Variants in DNAH10 observed in about 807,000 individuals in gnomAD.
DNAH10 encodes dynein axonemal heavy chain 10, also known as axonemal beta dynein heavy chain 10.
A neutral mutation model predicts 506.6 loss-of-function variants in DNAH10; 348 were observed. The observed-to-expected ratio is 0.69, with a 90% CI of 0.63 to 0.75. The LOEUF is 0.75. Among genes scored for constraint, DNAH10 ranks in the 30% least tolerant of loss-of-function variants. The pLI, the probability that DNAH10 is intolerant of heterozygous loss-of-function variation, is 0.00. For missense variants in DNAH10, 5,179 were observed against 5,787.1 expected (o/e 0.89, Z 3.41); for synonymous variants, 2,059 against 2,198.6 (o/e 0.94, Z 1.78).
intron 2 of DNAH10, among the ~76,000 whole-genome samples, chr12:123,770,556 A>G (rs1957215424): frequency 6.8e-6 from 1 of 147,400 alleles, no homozygotes; most frequent in South Asian, 2.1e-4. Flanking sequence ...ACTGCTGTCT[A>G]TAGACTATTC....
intron 11 of DNAH10, among the ~76,000 whole-genome samples, 184 bp from the exon 12 acceptor site, chr12:123,793,758 T>C (rs190711828): frequency 1.8e-3 from 278 of 152,320 alleles, no homozygotes; most frequent in Non-Finnish European, 2.9e-3. Flanking sequence ...TTTGAACTGG[T>C]TGGGGAGAGA....
chr12:123,847,925 C>G lies in DNAH10; in HGVS notation c.5815-36C>G, dbSNP rs774269041. On this transcript the variant is annotated intron_variant, in intron 32 of 78. Transcript: ENST00000673944. ...AATGACACCCACTTCCTTCTGTGCA[C>G]CAGAAAACATATGTTTTGCATTTGG... The G allele has an allele frequency of 4.2e-5, 66 of 1,575,098 alleles. No individual in the cohort carries two copies. In the South Asian group the frequency reaches 6.7e-4, roughly 16 times the overall value.
intron 16 of DNAH10, among the ~76,000 whole-genome samples, 186 bp from the exon 17 acceptor site, chr12:123,803,475 A>G (rs1028167996): frequency 6.6e-6 from 1 of 152,216 alleles, no homozygotes; most frequent in Non-Finnish European, 1.5e-5. Flanking sequence ...TTCTGGGCTC[A>G]GGACTCCTTG....
intron 29 of DNAH10, among the ~76,000 whole-genome samples, chr12:123,839,077 G>C (rs1325939006): frequency 2.0e-5 from 3 of 152,162 alleles, no homozygotes; most frequent in Non-Finnish European, 4.4e-5. Context: ...GCCTCCCAAA[G>C]TGGGATTACA....
intron 6 of DNAH10, among the ~76,000 whole-genome samples, chr12:123,782,739 A>T (rs192944594): frequency 6.6e-6 from 1 of 151,546 alleles, no homozygotes; most frequent in Non-Finnish European, 1.5e-5. Flanking sequence ...CATTATTTCA[A>T]TTTCCCCTGA....
intron 41 of DNAH10, among the ~76,000 whole-genome samples, chr12:123,867,093 G>A (rs1478567996): frequency 6.6e-6 from 1 of 152,202 alleles, no homozygotes; most frequent in Non-Finnish European, 1.5e-5. Context: ...ATCCCTGGTG[G>A]TGATTGGTGC....
In DNAH10 at chr12:123,931,675, G is replaced by C. The variant is rs1400490272; in HGVS notation, c.12956G>C (p.Gly4319Ala). 3 of 1,613,918 alleles carry C rather than the reference G, an allele frequency of 1.9e-6. No homozygotes were observed. Among genetic ancestry groups the C allele is most frequent in the Non-Finnish European group, 2.5e-6 (3 of 1,179,916 alleles). Residue 4319 changes from glycine to alanine, a missense_variant, in exon 75 of 79, where the codon GGC becomes GCC. Gly to Ala is a moderately conservative substitution (Grantham distance 60). Around this residue, in one of 3 missense-constraint regions of DNAH10, gnomAD observed 4,844 missense variants for 5,430.5 expected, o/e 0.89. Transcript: ENST00000673944. The stretch of plus-strand genomic sequence containing the variant: ...GGTATCAGCCGCGATGATTATATTG[G>C]CCAAGTGGCCAAAGAAATAGAAAAC... The part of the protein sequence containing the change: ...SSGISRDDYI[G>A]QVAKEIENKM...
chr12:123,862,161 T>G (rs75168812), intron 39 of DNAH10, among the ~76,000 whole-genome samples: 1 of 152,158 alleles, frequency 6.6e-6, no homozygotes, highest in African/African-American at 2.4e-5. Flanking sequence ...ATGGGTGGTG[T>G]TAATCTTGAT....
rs767038025 is a variant in DNAH10, at chr12:123,800,361, T to A, written c.2435T>A (p.Val812Asp). The A allele has an allele frequency of 6.2e-7, 1 of 1,613,920 alleles. No homozygotes were observed. The highest frequency in any genetic ancestry group is 1.1e-5 in the South Asian group (1 of 91,036). ...GFTVPELARN[V>D]ALQEDKFLRY... ...ACTGTCCCTGAATTAGCAAGAAATGTTGCTCTCCAGGAAGACAAATTCCTT... is the reference window on the plus strand; with the variant it reads ...ACTGTCCCTGAATTAGCAAGAAATGATGCTCTCCAGGAAGACAAATTCCTT... The change falls in exon 15 of 79, where the codon GTT (valine) becomes GAT (aspartate). Residue 812 changes from valine (V) to aspartate (D), a missense_variant. Transcript: ENST00000673944.
At position 123,928,435 on chromosome 12, in the gene DNAH10, A is replaced by G; in HGVS notation, c.12154A>G (p.Met4052Val). Residue 4052 changes from methionine to valine, a missense_variant, in exon 70 of 79, where the codon ATG (methionine) becomes GTG (valine). Transcript: ENST00000673944. This position sits in a 1 kb window ranked among gnomAD's most constrained non-coding sequence, Gnocchi z 4.9. ...ETAVARGQWLMLQNCHLLVKW... is the reference protein window; with the variant it reads ...ETAVARGQWLVLQNCHLLVKW... Reference sequence around the variant, plus strand: ...GGCGGTGGCTCGGGGGCAGTGGCTGATGCTGCAGAACTGCCACCTCCTGGT... The same window carrying G: ...GGCGGTGGCTCGGGGGCAGTGGCTGGTGCTGCAGAACTGCCACCTCCTGGT... The G allele has an allele frequency of 6.2e-7, 1 of 1,607,908 alleles. No individual in the cohort carries two copies. Among genetic ancestry groups the G allele is most frequent in the Non-Finnish European group, 8.5e-7 (1 of 1,177,800 alleles).
intron 51 of DNAH10, among the ~76,000 whole-genome samples, chr12:123,884,502 C>G (rs1482320373): frequency 2.0e-5 from 3 of 152,210 alleles, no homozygotes; most frequent in Non-Finnish European, 4.4e-5. Flanking sequence ...AGAGGGCCCT[C>G]TCCCGGGCTG....
chr12:123,792,707 T>A (rs1395770924), intron 11 of DNAH10, among the ~76,000 whole-genome samples: 1 of 152,188 alleles, frequency 6.6e-6, no homozygotes, highest in Non-Finnish European at 1.5e-5. Flanking sequence ...GTGATCCGCC[T>A]GCCTCAGCCT....
rs1957927202 is a variant in DNAH10 at position 123,787,975 on chromosome 12, C to T, written c.1593C>T (p.Ile531=). The change falls in exon 10 of 79, where the codon ATC becomes ATT. Residue 531 remains isoleucine, a synonymous_variant. Coordinates refer to ENST00000673944, the MANE Select transcript of DNAH10 (RefSeq NM_001372106.1). This position sits in a 1 kb window ranked among gnomAD's most constrained non-coding sequence, Gnocchi z 4.6. ...AGAGGACGGATTATATGGCCACCATCTGCCAGGACCTCTCCGACGTTCTGC... is the reference window on the plus strand; with the variant it reads ...AGAGGACGGATTATATGGCCACCATTTGCCAGGACCTCTCCGACGTTCTGC... ...LFERTDYMAT[I]CQDLSDVLQI... is the part of the protein sequence containing the mutation. 6.3e-7 allele frequency: 1 copy of T among 1,580,216 alleles called. No homozygotes were observed. Among genetic ancestry groups the T allele is most frequent in the Non-Finnish European group, 8.6e-7 (1 of 1,162,820 alleles).
chr12:123,813,641 G>A lies in DNAH10; in HGVS notation c.3621+1G>A, dbSNP rs1438986273. On this transcript the variant is annotated splice_donor_variant, in intron 20 of 78. Coordinates refer to ENST00000673944, the MANE Select transcript of DNAH10 (RefSeq NM_001372106.1). LOFTEE classifies it high-confidence loss of function. Reference sequence around the variant, plus strand: ...CTATAATCTCCATGAAGAGATGGAGGTACTCAATCGCTGTGTGTAATTGAA... The same window carrying A: ...CTATAATCTCCATGAAGAGATGGAGATACTCAATCGCTGTGTGTAATTGAA... 1.9e-6 allele frequency: 3 copies of A among 1,613,602 alleles called. No homozygotes were observed. Among genetic ancestry groups the A allele is most frequent in the African/African-American group, 2.7e-5 (2 of 74,904 alleles).
intron 19 of DNAH10, among the ~76,000 whole-genome samples, chr12:123,810,926 T>G (rs1460540745): frequency 2.0e-5 from 3 of 152,216 alleles, no homozygotes; most frequent in African/African-American, 7.2e-5. Flanking sequence ...ACTTTCCTCC[T>G]TACTAATAGA....
At chr12:123,860,936 T>C in intron 38 of DNAH10, 76 bp from the exon 39 acceptor site, 2 of 1,600,222 alleles carry the variant, frequency 1.2e-6, no homozygotes, top group Non-Finnish European at 1.7e-6. Flanking sequence ...ATCTAATTCC[T>C]CATAGAGGGA....
intron 19 of DNAH10, among the ~76,000 whole-genome samples, chr12:123,811,730 C>G (rs1236039411): frequency 2.0e-5 from 3 of 152,104 alleles, no homozygotes; most frequent in African/African-American, 7.2e-5. Context: ...GTCTCAATCT[C>G]CTGACCTTGT....
In DNAH10 at chr12:123,926,252, A is replaced by G. The variant is rs926256809; in HGVS notation, c.11922-385A>G. On this transcript the variant is annotated intron_variant, in intron 68 of 78. Coordinates refer to ENST00000673944, the MANE Select transcript of DNAH10 (RefSeq NM_001372106.1). This position sits in a 1 kb window ranked among gnomAD's most constrained non-coding sequence, Gnocchi z 4.1. ...TATTTCAATTTAAAAAAAAAAAAAA[A>G]AAAGAAAAAGAAAAAACCCACACAC... Among the ~76,000 whole-genome samples, 19 of 151,476 alleles carry G rather than the reference A, an allele frequency of 1.3e-4. No individual in the cohort carries two copies. The highest frequency in any genetic ancestry group is 3.1e-4 in the African/African-American group (13 of 41,380).
At position 123,763,563 on chromosome 12, in the gene DNAH10, C is replaced by CTTT. The variant is rs35395990; in HGVS notation, c.214+1029_214+1031dup. 8.5e-3 allele frequency among the ~76,000 whole-genome samples: 1,096 copies of CTTT among 129,500 alleles called. 26 individuals are homozygous for CTTT. The highest frequency in any genetic ancestry group is 0.03 in the African/African-American group (1,007 of 33,038). 85.0% of individuals were successfully genotyped at this position (129,500 alleles called of 152,430 possible). On this transcript the variant is annotated intron_variant, in intron 1 of 78. Coordinates refer to ENST00000673944, the MANE Select transcript of DNAH10 (RefSeq NM_001372106.1). ...TCATTTATTGTATTCTATTTTTTAA[C>CTTT]TTTTTTTTTTTTTTTTTTGAGATAG...
Sources: gnomAD v4.1 joint callset for allele counts (sites outside exome capture counted in the v4.1 genomes callset) on GRCh38, gnomAD v4.1.1 for gene constraint, gnomAD v4.1.1 regional missense constraint, Gnocchi (gnomAD v3.1) non-coding constraint, MANE v1.5 for transcripts, NCBI Gene and HGNC (gene_info 2026-07-23, HGNC 2026-07-21) for gene names.